MYT1L: variants seen among roughly 807,000 people sequenced by gnomAD.
The protein encoded by MYT1L is myelin transcription factor 1 like.
Under a neutral mutation model 126.7 loss-of-function variants are expected in MYT1L, and 12 were observed. The ratio of observed to expected loss-of-function variants is 0.09; its 90% CI spans 0.06 to 0.15. The LOEUF is 0.15. Ranked by LOEUF, MYT1L falls within the 10% of genes least tolerant of loss-of-function variation. MYT1L has a pLI of 1.00. For synonymous variants in MYT1L, 541 were observed against 604.2 expected (o/e 0.90, Z 1.53); for missense variants, 979 against 1,585.2 (o/e 0.62, Z 6.49).
At chr2:2,122,071 G>A (rs752489200) in intron 3 of MYT1L, among the ~76,000 whole-genome samples, 1 of 152,296 alleles carries the variant, frequency 6.6e-6, no homozygotes, top group African/African-American at 2.4e-5. Flanking sequence ...GTCATCTGGC[G>A]ATGATGTGCA....
intron 4 of MYT1L, among the ~76,000 whole-genome samples, chr2:2,040,621 T>C (rs937059306): frequency 2.6e-5 from 4 of 152,222 alleles, no homozygotes; most frequent in African/African-American, 9.6e-5. Context: ...AATTGAAATA[T>C]GCCCTTATAA....
rs529506160 is a variant in MYT1L at position 2,203,747 on chromosome 2, T to C, written c.-420-30759A>G. ...GATACCAATGACTTTCTTTGCAGAATTGGAAAAAACTACTTTAAAGTTCAC... is the reference window on the plus strand; with the variant it reads ...GATACCAATGACTTTCTTTGCAGAACTGGAAAAAACTACTTTAAAGTTCAC... On this transcript the variant is annotated intron_variant, in intron 2 of 24. Coordinates refer to ENST00000647738, the MANE Select transcript of MYT1L (RefSeq NM_001303052.2). Among the ~76,000 whole-genome samples the C allele has an allele frequency of 6.6e-5, 10 of 152,260 alleles. No individual in the cohort carries two copies. In the East Asian group the frequency reaches 1.7e-3, roughly 27 times the overall value.
intron 1 of MYT1L, chr2:2,326,557 T>G (rs892211079): frequency 6.7e-6 from 1 of 149,724 alleles, no homozygotes; most frequent in African/African-American, 2.5e-5. Context: ...GACTAAAATA[T>G]TCCCCCCCGC....
intron 2 of MYT1L, among the ~76,000 whole-genome samples, chr2:2,259,250 C>T (rs1485044273): frequency 2.9e-5 from 3 of 102,202 alleles, no homozygotes; most frequent in East Asian, 3.1e-4. Flanking sequence ...GTGGTGGGGT[C>T]GGGGGAGGGG....
At chr2:2,190,333 T>C (rs963323149) in intron 2 of MYT1L, among the ~76,000 whole-genome samples, 1 of 151,780 alleles carries the variant, frequency 6.6e-6, no homozygotes, top group African/African-American at 2.4e-5. Flanking sequence ...CACACGCCTG[T>C]AGTCCCAGCT....
chr2:1,872,888 G>A (rs898369757), intron 18 of MYT1L, among the ~76,000 whole-genome samples: 1 of 152,054 alleles, frequency 6.6e-6, no homozygotes, highest in East Asian at 1.9e-4. Context: ...GACCTCTCAG[G>A]TAGGGGCCAG....
intron 19 of MYT1L, among the ~76,000 whole-genome samples, chr2:1,849,270 C>G (rs933059312): frequency 6.6e-6 from 1 of 152,090 alleles, no homozygotes; most frequent in African/African-American, 2.4e-5. Context: ...GTGAGAGGAC[C>G]AAGACATCGC....
At chr2:2,315,971 G>C (rs914583396) in intron 1 of MYT1L, among the ~76,000 whole-genome samples, 2 of 152,046 alleles carry the variant, frequency 1.3e-5, no homozygotes, top group African/African-American at 4.8e-5. Context: ...CCAATACTTA[G>C]AGAAAAGTTC....
chr2:2,153,877 C>T (rs1254777633), intron 3 of MYT1L, among the ~76,000 whole-genome samples: 1 of 152,002 alleles, frequency 6.6e-6, no homozygotes, highest in African/African-American at 2.4e-5. Flanking sequence ...AGAACGAACA[C>T]GGAGGAACCC....
chr2:2,175,480 T>C (rs2090628833), intron 2 of MYT1L, among the ~76,000 whole-genome samples: 6 of 151,998 alleles, frequency 3.9e-5, no homozygotes, highest in Admixed American at 3.9e-4. Context: ...CCGTGTGAGA[T>C]TGGTTAAAAG....
chr2:1,969,658 G>T (rs2059657762), intron 8 of MYT1L, among the ~76,000 whole-genome samples: 1 of 152,192 alleles, frequency 6.6e-6, no homozygotes, highest in African/African-American at 2.4e-5. Flanking sequence ...GTGGCACTCA[G>T]GAATGGCTGT....
chr2:1,957,033 G>A (rs568811265), intron 8 of MYT1L, among the ~76,000 whole-genome samples: 1 of 152,314 alleles, frequency 6.6e-6, no homozygotes, highest in African/African-American at 2.4e-5. Flanking sequence ...TGCCTCATGT[G>A]GCTGGGACAC....
intron 8 of MYT1L, among the ~76,000 whole-genome samples, chr2:1,945,088 CAA>C (rs545747866): frequency 6.6e-6 from 1 of 152,274 alleles, no homozygotes; most frequent in South Asian, 2.1e-4. Context: ...AAAACTAAAA[CAA>C]AAGCAAACCC....
intron 3 of MYT1L, among the ~76,000 whole-genome samples, chr2:2,056,243 C>A (rs2150119228): frequency 6.6e-6 from 1 of 152,266 alleles, no homozygotes. Context: ...AGTTTGGGTG[C>A]TCCTGGCTCC....
chr2:2,236,801 TC>T (rs1559421014), intron 2 of MYT1L, among the ~76,000 whole-genome samples: 5 of 20,454 alleles, frequency 2.4e-4, no homozygotes, highest in Admixed American at 1.1e-3. Context: ...TTCTTCTTCT[TC>T]TTCTTCTTCT....
At chr2:2,248,033 A>C (rs1230828678) in intron 2 of MYT1L, among the ~76,000 whole-genome samples, 1 of 152,132 alleles carries the variant, frequency 6.6e-6, no homozygotes, top group Non-Finnish European at 1.5e-5. Flanking sequence ...TAAATAATAA[A>C]GATAAAAGCA....
At chr2:2,290,609 TA>T (rs770242950) in intron 1 of MYT1L, among the ~76,000 whole-genome samples, 2 of 152,310 alleles carry the variant, frequency 1.3e-5, no homozygotes, top group South Asian at 2.1e-4. Context: ...AGCATTCTGT[TA>T]GCATCCATGC....
intron 3 of MYT1L, among the ~76,000 whole-genome samples, chr2:2,063,638 GTT>G (rs1231628778): frequency 6.6e-6 from 1 of 152,228 alleles, no homozygotes; most frequent in Non-Finnish European, 1.5e-5. Context: ...GCGGTCGGGA[GTT>G]TGAGACCAGC....
intron 18 of MYT1L, 43 bp from the exon 19 acceptor site, chr2:1,851,746 A>C: frequency 6.4e-7 from 1 of 1,565,200 alleles, no homozygotes; most frequent in Non-Finnish European, 8.8e-7. Context: ...GAAAGAAATA[A>C]AGTTCCCTGA....
Sources: allele counts gnomAD v4.1 joint callset (sites outside exome capture counted in the v4.1 genomes callset), GRCh38; gene constraint gnomAD v4.1.1; transcripts MANE v1.5; gene names NCBI Gene and HGNC (gene_info 2026-07-23, HGNC 2026-07-21).